CIRSR: variants seen among roughly 807,000 people sequenced by gnomAD.
The protein encoded by CIRSR is CBF1 (RBPJ) interacting corepressor 1.
chr2:174,348,421 G>C, the CIRSR span: 1 of 1,519,694 alleles, frequency 6.6e-7, no homozygotes. Context: ...CCTTGCTAAA[G>C]GTATTCAATA....
At chr2:174,352,793 G>T in the CIRSR span, among the ~76,000 whole-genome samples, 35 of 152,154 alleles carry the variant, frequency 2.3e-4, no homozygotes, top group Non-Finnish European at 4.3e-4. Context: ...CAGCTGATGT[G>T]TCTGTCACTT....
At chr2:174,375,374 G>A in the CIRSR span, among the ~76,000 whole-genome samples, 3 of 152,194 alleles carry the variant, frequency 2.0e-5, no homozygotes, top group African/African-American at 7.2e-5. Context: ...GTGGGAGGCT[G>A]AGGTGGGATG....
At chr2:174,383,866 A>AAAAGAAAAT in the CIRSR span, among the ~76,000 whole-genome samples, 6 of 151,186 alleles carry the variant, frequency 4.0e-5, no homozygotes, top group Non-Finnish European at 7.4e-5. Context: ...AAAAAAAAAA[A>AAAAGAAAAT]AGAAAATAAC....
chr2:174,351,945 C>T, the CIRSR span: 1 of 378,180 alleles, frequency 2.6e-6, no homozygotes, highest in Non-Finnish European at 4.7e-6. Context: ...CAAGGGGAGT[C>T]TTCTTATGTA....
the CIRSR span, among the ~76,000 whole-genome samples, chr2:174,383,190 T>C: frequency 6.6e-6 from 1 of 152,062 alleles, no homozygotes; most frequent in Non-Finnish European, 1.5e-5. Context: ...ATGTCCAGAA[T>C]AGGTAAATCT....
chr2:174,374,857 C>T, the CIRSR span, among the ~76,000 whole-genome samples: 2 of 152,232 alleles, frequency 1.3e-5, no homozygotes, highest in East Asian at 3.8e-4. Context: ...CTCAGCTTAA[C>T]ATTGCTTCCT....
the CIRSR span, among the ~76,000 whole-genome samples, chr2:174,363,759 T>C: frequency 1.3e-5 from 2 of 152,154 alleles, no homozygotes; most frequent in Admixed American, 1.3e-4. Context: ...CATCGGATCT[T>C]GTGAGACTTA....
At chr2:174,367,579 C>G in the CIRSR span, among the ~76,000 whole-genome samples, 1 of 151,338 alleles carries the variant, frequency 6.6e-6, no homozygotes, top group Non-Finnish European at 1.5e-5. Context: ...ACTCTGTCCC[C>G]CACCAAAAAA....
chr2:174,368,608 C>G, the CIRSR span, among the ~76,000 whole-genome samples: 27 of 152,140 alleles, frequency 1.8e-4, no homozygotes, highest in Non-Finnish European at 1.8e-4. Flanking sequence ...TGCTTGAGCC[C>G]AGGAGTTTGA....
chr2:174,380,307 C>A, the CIRSR span: 49 of 1,262,812 alleles, frequency 3.9e-5, no homozygotes, highest in Non-Finnish European at 5.2e-5. Context: ...AAAAATTAAA[C>A]AGCAGTTAAT....
chr2:174,356,403 G>C, the CIRSR span, among the ~76,000 whole-genome samples: 8 of 152,006 alleles, frequency 5.3e-5, no homozygotes, highest in African/African-American at 1.9e-4. Flanking sequence ...AGGAGGTTGA[G>C]GGTGCAGTGA....
chr2:174,381,909 T>A, the CIRSR span: 1 of 606,756 alleles, frequency 1.6e-6, no homozygotes, highest in South Asian at 2.5e-5. Flanking sequence ...GTTCTAAAAC[T>A]TTACTCCACT....
chr2:174,364,915 G>A, the CIRSR span, among the ~76,000 whole-genome samples: 4 of 152,196 alleles, frequency 2.6e-5, no homozygotes, highest in Non-Finnish European at 4.4e-5. Context: ...TTTCCCCACT[G>A]TCTTGGGGAT....
At chr2:174,349,473 A>G in the CIRSR span, among the ~76,000 whole-genome samples, 2 of 151,396 alleles carry the variant, frequency 1.3e-5, no homozygotes, top group African/African-American at 4.9e-5. Flanking sequence ...GCTGAGGCAG[A>G]AGAATCGCTT....
At chr2:174,382,657 A>G in the CIRSR span, among the ~76,000 whole-genome samples, 3 of 152,046 alleles carry the variant, frequency 2.0e-5, no homozygotes, top group Non-Finnish European at 2.9e-5. Context: ...CAATAGCAAA[A>G]AAGTCTACAC....
chr2:174,377,263 A>G, the CIRSR span, among the ~76,000 whole-genome samples: 14 of 152,174 alleles, frequency 9.2e-5, no homozygotes, highest in African/African-American at 3.4e-4. Context: ...GAAATATTTG[A>G]GCCAACGGGT....
the CIRSR span, among the ~76,000 whole-genome samples, chr2:174,388,680 A>G: frequency 1.3e-5 from 2 of 152,210 alleles, no homozygotes; most frequent in Non-Finnish European, 2.9e-5. Flanking sequence ...AAATGGTAAC[A>G]TATTTTACGC....
the CIRSR span, chr2:174,380,336 G>T: frequency 1.1e-6 from 1 of 950,850 alleles, no homozygotes. Context: ...TAGTTTTACA[G>T]TTCTAAGAAC....
chr2:174,393,483 A>G, the CIRSR span, among the ~76,000 whole-genome samples: 16 of 152,276 alleles, frequency 1.1e-4, no homozygotes, highest in East Asian at 3.1e-3. Flanking sequence ...AATAAACCCA[A>G]CATGCCTAAT....
Sources: gnomAD v4.1 joint callset for allele counts (sites outside exome capture counted in the v4.1 genomes callset) on GRCh38, gnomAD v4.1.1 for gene constraint, MANE v1.5 for transcripts, NCBI Gene and HGNC (gene_info 2026-07-23, HGNC 2026-07-21) for gene names.